The following AIDA variants were observed in gnomAD, a reference collection of about 807,000 sequenced individuals.
The protein encoded by AIDA is axin interactor, dorsalization associated.
AIDA carries 18 observed loss-of-function variants against 42.7 expected under a neutral mutation model. The ratio of observed to expected loss-of-function variants is 0.42; its 90% CI spans 0.29 to 0.63. The LOEUF is 0.63. AIDA is among the 20% of genes least tolerant of loss of function. AIDA has a pLI of 0.19. For synonymous variants in AIDA, 104 were observed against 122.9 expected (o/e 0.85, Z 1.02); for missense variants, 250 against 354.1 (o/e 0.71, Z 2.36).
chr1:222,671,778 C>G (rs1179209392), intron 8 of AIDA, among the ~76,000 whole-genome samples: 1 of 152,202 alleles, frequency 6.6e-6, no homozygotes, highest in Admixed American at 6.5e-5. Flanking sequence ...CTCCCTCCCA[C>G]AGCACTCAGA....
At chr1:222,677,074 T>C (rs1274723267) in intron 6 of AIDA, among the ~76,000 whole-genome samples, 1 of 152,134 alleles carries the variant, frequency 6.6e-6, no homozygotes, top group Non-Finnish European at 1.5e-5. Flanking sequence ...ATTTTCTCAA[T>C]AGAATTTTTT....
At position 222,670,122 on chromosome 1, in the gene AIDA, A is replaced by G. The variant is rs1664419309; in HGVS notation, c.824+11T>C. On this transcript the variant is annotated intron_variant, in intron 9 of 9. Transcript: ENST00000340020. ...TCAAATTAGTACTAATTCTATATGC[A>G]CATCACTTACAGTTCTATTACAATT... is the stretch of plus-strand genomic sequence containing the variant. 2 of 1,612,462 alleles carry G rather than the reference A, an allele frequency of 1.2e-6. No homozygotes were observed. The highest frequency in any genetic ancestry group is 1.3e-5 in the African/African-American group (1 of 74,990).
chr1:222,686,170 CA>C (rs1265627539), intron 6 of AIDA, among the ~76,000 whole-genome samples: 1 of 151,990 alleles, frequency 6.6e-6, no homozygotes, highest in Admixed American at 6.6e-5. Flanking sequence ...CAAAACAAAA[CA>C]AAACAAAACA....
At chr1:222,698,759 ATTT>A (rs1218488133) in intron 2 of AIDA, among the ~76,000 whole-genome samples, 3 of 150,560 alleles carry the variant, frequency 2.0e-5, no homozygotes, top group Non-Finnish European at 4.4e-5. Context: ...CCCATCAAAT[ATTT>A]TTAAGGGCTC....
chr1:222,691,909 T>C (rs961115274), intron 4 of AIDA, among the ~76,000 whole-genome samples: 1 of 152,208 alleles, frequency 6.6e-6, no homozygotes, highest in Admixed American at 6.5e-5. Context: ...AATTAAACAG[T>C]ATTTTCTTAG....
At chr1:222,693,447 T>C (rs1426827319) in intron 4 of AIDA, among the ~76,000 whole-genome samples, 1 of 152,178 alleles carries the variant, frequency 6.6e-6, no homozygotes, top group East Asian at 1.9e-4. Flanking sequence ...TTCAATGACA[T>C]GTAGTGTAAA....
At chr1:222,687,388 G>A (rs1303951168) in intron 5 of AIDA, among the ~76,000 whole-genome samples, 2 of 152,138 alleles carry the variant, frequency 1.3e-5, no homozygotes, top group East Asian at 1.9e-4. Flanking sequence ...CCGAGATAGC[G>A]CCACTGCATG....
At chr1:222,701,554 T>G (rs943859408) in intron 2 of AIDA, among the ~76,000 whole-genome samples, 1 of 152,172 alleles carries the variant, frequency 6.6e-6, no homozygotes, top group African/African-American at 2.4e-5. Context: ...GCTGATCATT[T>G]CCTAATCAAT....
At chr1:222,674,515 T>G (rs1022182650) in intron 7 of AIDA, among the ~76,000 whole-genome samples, 1 of 152,162 alleles carries the variant, frequency 6.6e-6, no homozygotes, top group Admixed American at 6.5e-5. Flanking sequence ...AAATCTAACA[T>G]TATCAGAATC....
intron 6 of AIDA, among the ~76,000 whole-genome samples, chr1:222,678,876 C>T (rs143272131): frequency 8.5e-5 from 13 of 152,110 alleles, no homozygotes; most frequent in African/African-American, 2.2e-4. Context: ...GTCCTTTTTT[C>T]GTTCACTCAT....
At chr1:222,696,646 C>A (rs1253066311) in intron 2 of AIDA, among the ~76,000 whole-genome samples, 2 of 152,248 alleles carry the variant, frequency 1.3e-5, no homozygotes, top group East Asian at 3.9e-4. Flanking sequence ...GCCTTCTATG[C>A]AATATAGCAA....
chr1:222,711,971 T>G, intron 1 of AIDA: 1 of 527,434 alleles, frequency 1.9e-6, no homozygotes. Context: ...ACCTGTTGAA[T>G]GGAACTGTCC....
At chr1:222,670,097 T>A in intron 9 of AIDA, 36 bp downstream of exon 9, 1 of 1,608,966 alleles carries the variant, frequency 6.2e-7, no homozygotes, top group Non-Finnish European at 8.5e-7. Flanking sequence ...CTAGTCACCA[T>A]CAAATTAGTA....
chr1:222,709,765 C>T (rs1270406097), intron 1 of AIDA, among the ~76,000 whole-genome samples: 2 of 152,220 alleles, frequency 1.3e-5, no homozygotes, highest in Admixed American at 1.3e-4. Context: ...TTTCATACTT[C>T]CGTAATTGCA....
At chr1:222,695,794 A>AAT (rs1655503184) in intron 2 of AIDA, among the ~76,000 whole-genome samples, 1 of 152,238 alleles carries the variant, frequency 6.6e-6, no homozygotes, top group South Asian at 2.1e-4. Flanking sequence ...ATGCCTGCAC[A>AAT]ATGAAATATT....
At chr1:222,673,269 G>C (rs764412731) in intron 8 of AIDA, 44 bp downstream of exon 8, 1 of 1,539,068 alleles carries the variant, frequency 6.5e-7, no homozygotes, top group Non-Finnish European at 8.8e-7. Flanking sequence ...AATAAGATGA[G>C]AATTCTGTCC....
chr1:222,691,660 A>G (rs1655379656), intron 4 of AIDA, among the ~76,000 whole-genome samples: 1 of 152,208 alleles, frequency 6.6e-6, no homozygotes, highest in Admixed American at 6.5e-5. Context: ...GGTTAATTCA[A>G]CTCAATAAAT....
intron 2 of AIDA, among the ~76,000 whole-genome samples, chr1:222,701,971 A>G (rs1571940751): frequency 6.6e-6 from 1 of 151,208 alleles, no homozygotes; most frequent in South Asian, 2.1e-4. Context: ...TGATCTGCCC[A>G]CCTCGGCCTC....
chr1:222,691,699 T>G (rs184358486), intron 4 of AIDA, among the ~76,000 whole-genome samples: 256 of 152,266 alleles, frequency 1.7e-3, no homozygotes, highest in Admixed American at 3.4e-3. Flanking sequence ...TAATATTGTA[T>G]TAGATACTAA....
Sources: gnomAD v4.1 joint callset for allele counts (sites outside exome capture counted in the v4.1 genomes callset) on GRCh38, gnomAD v4.1.1 for gene constraint, MANE v1.5 for transcripts, NCBI Gene and HGNC (gene_info 2026-07-23, HGNC 2026-07-21) for gene names.